RAPGEF2: variants seen among roughly 807,000 people sequenced by gnomAD.
The protein encoded by RAPGEF2 is PDZ domain containing guanine nucleotide exchange factor (GEF) 1.
A neutral mutation model predicts 186.7 loss-of-function variants in RAPGEF2; 54 were observed. That is an observed-to-expected ratio of 0.29 (90% confidence interval 0.23 to 0.36). The LOEUF is 0.36. Among genes scored for constraint, RAPGEF2 ranks in the 10% least tolerant of loss-of-function variants. The probability of loss-of-function intolerance (pLI) is 1.00; values close to 1 mark genes in which losing one functional copy is unlikely to be tolerated. For synonymous variants in RAPGEF2, 712 were observed against 705.9 expected (o/e 1.01, Z -0.14); for missense variants, 1,532 against 2,045.0 (o/e 0.75, Z 4.84).
intron 1 of RAPGEF2, among the ~76,000 whole-genome samples, chr4:159,167,388 G>T (rs1395118833): frequency 6.6e-6 from 1 of 152,206 alleles, no homozygotes; most frequent in Non-Finnish European, 1.5e-5. Flanking sequence ...GGAGTCAGTT[G>T]TAAAGATAGG....
intron 5 of RAPGEF2, among the ~76,000 whole-genome samples, chr4:159,240,230 T>G (rs758896731): frequency 5.3e-5 from 8 of 151,972 alleles, no homozygotes; most frequent in Admixed American, 1.3e-4. Flanking sequence ...TTTGCTGGTG[T>G]GAGAACAGTT....
intron 1 of RAPGEF2, among the ~76,000 whole-genome samples, chr4:159,133,369 CTT>C (rs2111138517): frequency 6.6e-6 from 1 of 151,438 alleles, no homozygotes; most frequent in East Asian, 1.9e-4. Flanking sequence ...AAAATATAAA[CTT>C]GTAATATATA....
chr4:159,340,637 AAAAC>A (rs1490049331), intron 19 of RAPGEF2, among the ~76,000 whole-genome samples: 3 of 151,272 alleles, frequency 2.0e-5, no homozygotes, highest in East Asian at 1.9e-4. Context: ...CTAAAAAACA[AAAAC>A]AAAACAAAAA....
Position 159,238,836 on chromosome 4 carries a change from T to C in RAPGEF2, c.309T>C (p.Phe103=), listed in dbSNP as rs1753609976. The C allele has an allele frequency of 2.0e-6, 3 of 1,526,076 alleles. No individual in the cohort carries two copies. Among genetic ancestry groups the C allele is most frequent in the Non-Finnish European group, 2.6e-6 (3 of 1,144,050 alleles). The allele number at this position is 1,526,076 out of a possible 1,614,324, so 94.5% of individuals were successfully genotyped here. ...SSFGKRSAGS[F]RRGCECIVLE... ...TTGGCAAGCGTTCTGCAGGAAGTTTTAGGCGTGGCTGTGAATGCATTGTTT... is the reference window on the plus strand; with the variant it reads ...TTGGCAAGCGTTCTGCAGGAAGTTTCAGGCGTGGCTGTGAATGCATTGTTT... Residue 103 remains phenylalanine (F), a synonymous_variant, in exon 5 of 30, where the codon TTT becomes TTC. Coordinates refer to ENST00000691494, the MANE Select transcript of RAPGEF2 (RefSeq NM_001394067.2).
intron 1 of RAPGEF2, among the ~76,000 whole-genome samples, chr4:159,136,482 TTG>T (rs1350985277): frequency 6.6e-6 from 1 of 152,180 alleles, no homozygotes; most frequent in African/African-American, 2.4e-5. Context: ...GGATGCTTAT[TTG>T]TAATACAAAG....
intron 2 of RAPGEF2, among the ~76,000 whole-genome samples, chr4:159,191,005 A>G (rs1219159464): frequency 6.6e-6 from 1 of 152,234 alleles, no homozygotes; most frequent in Non-Finnish European, 1.5e-5. Flanking sequence ...AGCACTGAGT[A>G]GGCATTTAAA....
At chr4:159,247,755 CT>C (rs56053207) in intron 7 of RAPGEF2, among the ~76,000 whole-genome samples, 21,078 of 83,426 alleles carry the variant, frequency 0.25, 1,229 homozygotes, top group Non-Finnish European at 0.28. Context: ...TAATTTGTTT[CT>C]TTTTTTTTTT....
In RAPGEF2 at chr4:159,104,968, C is replaced by T. The variant is rs1483466914; in HGVS notation, c.69+737C>T. Among the ~76,000 whole-genome samples, 3 of 152,242 alleles carry T rather than the reference C, an allele frequency of 2.0e-5. No homozygotes were observed. In the East Asian group the frequency reaches 5.8e-4, roughly 29 times the overall value. On this transcript the variant is annotated intron_variant, in intron 1 of 29. Coordinates refer to ENST00000691494, the MANE Select transcript of RAPGEF2 (RefSeq NM_001394067.2). ...TTCCAGTACACCCTCGGGAAGGGCA[C>T]CCTGCGGATTCTTTTGGTGTTGCAC...
chr4:159,129,566 A>G (rs991963776), intron 1 of RAPGEF2, among the ~76,000 whole-genome samples: 19 of 152,224 alleles, frequency 1.2e-4, no homozygotes, highest in Admixed American at 3.9e-4. Flanking sequence ...CAATTTACCA[A>G]TGAAGAAACT....
chr4:159,191,259 G>A (rs1228198809), intron 2 of RAPGEF2, among the ~76,000 whole-genome samples: 1 of 152,132 alleles, frequency 6.6e-6, no homozygotes, highest in African/African-American at 2.4e-5. Context: ...AGGACAGGTT[G>A]CTGAAAGGAA....
intron 7 of RAPGEF2, among the ~76,000 whole-genome samples, chr4:159,297,769 G>T (rs1483910198): frequency 1.3e-5 from 2 of 152,200 alleles, no homozygotes; most frequent in Middle Eastern, 3.2e-3. Context: ...GGTGGTGGAG[G>T]ATGTTGTCTG....
In RAPGEF2 at chr4:159,350,278, C is replaced by T. The variant is rs1730988760; in HGVS notation, c.3854C>T (p.Ser1285Phe). Reference sequence around the variant, plus strand: ...TCTCCTCCTACTTCTCCACAGAGTTCTCCAAGGAAAGGTAGAATTAAATTA... The same window carrying T: ...TCTCCTCCTACTTCTCCACAGAGTTTTCCAAGGAAAGGTAGAATTAAATTA... Reference protein sequence around the residue: ...LSSPPTSPQSSPRKGYTLAPS... With the variant: ...LSSPPTSPQSFPRKGYTLAPS... The change falls in exon 26 of 30, where the codon TCT (serine) becomes TTT (phenylalanine). Residue 1285 changes from serine to phenylalanine, a missense_variant. Coordinates refer to ENST00000691494, the MANE Select transcript of RAPGEF2 (RefSeq NM_001394067.2). 1 of 1,567,324 alleles carries T rather than the reference C, an allele frequency of 6.4e-7. No individual in the cohort carries two copies. The highest frequency in any genetic ancestry group is 2.3e-5 in the East Asian group (1 of 43,906).
intron 7 of RAPGEF2, among the ~76,000 whole-genome samples, chr4:159,278,361 C>T (rs969235669): frequency 6.6e-6 from 1 of 152,116 alleles, no homozygotes; most frequent in Non-Finnish European, 1.5e-5. Flanking sequence ...GACCTGCTCC[C>T]ACATTGGTTT....
intron 1 of RAPGEF2, among the ~76,000 whole-genome samples, chr4:159,153,410 A>AT (rs1022049974): frequency 1.3e-5 from 2 of 152,232 alleles, no homozygotes; most frequent in Non-Finnish European, 2.9e-5. Flanking sequence ...GTGAAGTGTG[A>AT]GAACCACTGT....
At chr4:159,219,740 A>T (rs572430764) in intron 4 of RAPGEF2, among the ~76,000 whole-genome samples, 86 of 152,336 alleles carry the variant, frequency 5.6e-4, no homozygotes, top group South Asian at 3.1e-3. Context: ...CTAAAATCAG[A>T]CATTACTCCA....
intron 4 of RAPGEF2, 98 bp from the exon 5 acceptor site, chr4:159,238,711 T>A: frequency 1.3e-6 from 1 of 747,730 alleles, no homozygotes; most frequent in Non-Finnish European, 2.0e-6. Flanking sequence ...TAATTGTTTT[T>A]AATTTTTATT....
chr4:159,146,810 A>G (rs1441884204), intron 1 of RAPGEF2, among the ~76,000 whole-genome samples: 5 of 152,184 alleles, frequency 3.3e-5, no homozygotes, highest in Non-Finnish European at 7.4e-5. Context: ...CCCAGCTTTC[A>G]TAATTTTTAA....
intron 1 of RAPGEF2, among the ~76,000 whole-genome samples, chr4:159,161,045 G>A (rs936861663): frequency 1.3e-5 from 2 of 152,004 alleles, no homozygotes; most frequent in Non-Finnish European, 2.9e-5. Flanking sequence ...TTGAAGATAA[G>A]ATGGGAATTT....
At position 159,189,506 on chromosome 4, in the gene RAPGEF2, C is replaced by T. The variant is rs183666317; in HGVS notation, c.140+2794C>T. Reference sequence around the variant, plus strand: ...GTAATTGGGAGCAGAGACCAAAAATCTGTTTAAAAAAGTAGAGTAATTGGG... The same window carrying T: ...GTAATTGGGAGCAGAGACCAAAAATTTGTTTAAAAAAGTAGAGTAATTGGG... On this transcript the variant is annotated intron_variant, in intron 2 of 29. Coordinates refer to ENST00000691494, the MANE Select transcript of RAPGEF2 (RefSeq NM_001394067.2). Among the ~76,000 whole-genome samples the T allele has an allele frequency of 5.7e-4, 87 of 152,266 alleles. 1 individual carries two copies. The highest frequency in any genetic ancestry group is 6.8e-3 in the Middle Eastern group (2 of 294).
Sources: gnomAD v4.1 joint callset for allele counts (sites outside exome capture counted in the v4.1 genomes callset) on GRCh38, gnomAD v4.1.1 for gene constraint, MANE v1.5 for transcripts, NCBI Gene and HGNC (gene_info 2026-07-23, HGNC 2026-07-21) for gene names.